Variants in ARL10 observed in about 807,000 individuals in gnomAD.
The protein encoded by ARL10 is ARF like GTPase 10.
A neutral mutation model predicts 26.1 loss-of-function variants in ARL10; 23 were observed. That is an observed-to-expected ratio of 0.88 (90% confidence interval 0.63 to 1.25). The LOEUF (loss-of-function observed/expected upper bound fraction) is 1.25. ARL10 is among the 50% of genes most tolerant of loss of function. ARL10 has a pLI of 0.00. For synonymous variants in ARL10, 138 were observed against 149.1 expected (o/e 0.93, Z 0.54); for missense variants, 300 against 323.6 (o/e 0.93, Z 0.56).
chr5:176,398,189 C>T (rs1385774864), intron 1 of ARL10: 1 of 703,056 alleles, frequency 1.4e-6, no homozygotes, highest in Non-Finnish European at 2.5e-6. Flanking sequence ...CTACACCTAT[C>T]TTTGCACTTG....
intron 1 of ARL10, among the ~76,000 whole-genome samples, chr5:176,388,071 A>C (rs551680061): frequency 6.6e-6 from 1 of 152,278 alleles, no homozygotes; most frequent in Admixed American, 6.5e-5. Flanking sequence ...GAAGGTCGTA[A>C]AGAGACCCTT....
At chr5:176,389,372 T>G, downstream of ARL10, 1 of 1,614,008 alleles carries the variant, frequency 6.2e-7, no homozygotes, top group East Asian at 2.2e-5. Context: ...CGGCCTCTAC[T>G]CCTTCCACCG....
chr5:176,393,291 C>T (rs1756340391), downstream of ARL10, among the ~76,000 whole-genome samples: 2 of 152,222 alleles, frequency 1.3e-5, no homozygotes, highest in Admixed American at 1.3e-4. The surrounding 1 kb of genome is among the most constrained non-coding windows in gnomAD (Gnocchi z 4.4). Flanking sequence ...GAGTTCCCAA[C>T]CTGAGGTTCC....
At chr5:176,406,798 C>G (rs937030351), downstream of ARL10, 36 of 1,033,698 alleles carry the variant, frequency 3.5e-5, no homozygotes, top group Non-Finnish European at 4.0e-5. Context: ...TTCTCCTCCC[C>G]CTGCAGGTGC....
chr5:176,392,588 G>A (rs1307406071), downstream of ARL10: 12 of 613,368 alleles, frequency 2.0e-5, no homozygotes, highest in Admixed American at 2.3e-4. The surrounding 1 kb of genome is among the most constrained non-coding windows in gnomAD (Gnocchi z 5.2). Flanking sequence ...GTGAGGGGCT[G>A]GACCAGAGGG....
chr5:176,367,075 T>C (rs1768340823), intron 2 of ARL10, among the ~76,000 whole-genome samples: 1 of 146,256 alleles, frequency 6.8e-6, no homozygotes. Flanking sequence ...TGGCGCTGTC[T>C]CGGCTCACTG....
At position 176,373,247 on chromosome 5, in the gene ARL10, T is replaced by C; in HGVS notation, c.*1352T>C. 1 of 391,062 alleles carries C rather than the reference T, an allele frequency of 2.6e-6. No homozygotes were observed. The highest frequency in any genetic ancestry group is 2.1e-5 in the African/African-American group (1 of 48,622). 24.2% of individuals were successfully genotyped at this position (391,062 alleles called of 1,614,324 possible). On this transcript the variant is annotated 3_prime_UTR_variant, in exon 4 of 4. Transcript: ENST00000310389. ...CTTTCTGGACCCAATTTTTCCCCAG[T>C]GAAAGCCAAGTTGGACTGAATTTCT...
At position 176,371,914 on chromosome 5, in the gene ARL10, G is replaced by T; in HGVS notation, c.*19G>T. On this transcript the variant is annotated 3_prime_UTR_variant, in exon 4 of 4. Coordinates refer to ENST00000310389, the MANE Select transcript of ARL10 (RefSeq NM_173664.6). ...CTCCTAGGCTGGAGCTCTCCTGCTT[G>T]CCACCTGCCTGTCAAGACCATAGTT... 6.2e-7 allele frequency: 1 copy of T among 1,611,282 alleles called. No homozygotes were observed.
chr5:176,411,901 G>A, the ARL10 span, among the ~76,000 whole-genome samples: 1 of 152,028 alleles, frequency 6.6e-6, no homozygotes, highest in African/African-American at 2.4e-5. Flanking sequence ...TTTGGGCCGG[G>A]CGTGGTGGCT....
At chr5:176,399,205 C>T (rs1296468591) in intron 1 of ARL10, among the ~76,000 whole-genome samples, 1 of 152,100 alleles carries the variant, frequency 6.6e-6, no homozygotes, top group Non-Finnish European at 1.5e-5. Flanking sequence ...CATCTCTGTC[C>T]TTTTCACTGC....
chr5:176,388,861 A>G (rs1756126016), downstream of ARL10: 1 of 1,614,024 alleles, frequency 6.2e-7, no homozygotes, highest in Non-Finnish European at 8.5e-7. Context: ...TCCCCTTTGA[A>G]CCATCGAAGC....
At position 176,377,074 on chromosome 5, in the gene ARL10, G is replaced by A. The variant is rs1412904359; in HGVS notation, c.*5179G>A. ...TAGGAACTACGTGAAGTTCTGTTAG[G>A]AGCACAGGCTTTCTAGTAACTATTT... On this transcript the variant is annotated 3_prime_UTR_variant, in exon 4 of 4. Transcript: ENST00000310389. The surrounding 1 kb of genome is among the most constrained non-coding windows in gnomAD (Gnocchi z 4.5). 2 of 152,228 alleles carry A rather than the reference G, an allele frequency of 1.3e-5. No individual in the cohort carries two copies. The highest frequency in any genetic ancestry group is 3.8e-4 in the East Asian group (2 of 5,202). The allele number at this position is 152,228 out of a possible 1,614,324, so 9.4% of individuals were successfully genotyped here. A position where few individuals can be genotyped will look rare whatever the true frequency, so the allele number is the denominator to read the frequency against.
At chr5:176,389,181 G>A (rs1175447735), downstream of ARL10, 1 of 1,085,722 alleles carries the variant, frequency 9.2e-7, no homozygotes, top group Admixed American at 2.2e-5. Context: ...GGAGGACTCT[G>A]TAACTAGGAA....
At position 176,387,080 on chromosome 5, in the gene ARL10, T is replaced by C. The variant is rs145452468; in HGVS notation, c.37-1215T>C. 3,024 of 567,508 alleles carry C rather than the reference T, an allele frequency of 5.3e-3. 21 individuals are homozygous for C. The highest frequency in any genetic ancestry group is 6.3e-3 in the Non-Finnish European group (2,009 of 319,374). 35.2% of individuals were successfully genotyped at this position (567,508 alleles called of 1,614,324 possible). ...GGAGGCTTTTTCTCTCTCTCTCTCTTTTTTTTTTTCTTTTTCTTTTTGAGA... is the reference window on the plus strand; with the variant it reads ...GGAGGCTTTTTCTCTCTCTCTCTCTCTTTTTTTTTCTTTTTCTTTTTGAGA... On this transcript the variant is annotated intron_variant, in intron 1 of 1. Transcript: ENST00000503175.
intron 3 of ARL10, among the ~76,000 whole-genome samples, chr5:176,371,263 T>C (rs546414292): frequency 2.0e-5 from 3 of 152,228 alleles, no homozygotes; most frequent in East Asian, 3.9e-4. Flanking sequence ...TAGTCCCAGC[T>C]ACTAGGGAGG....
At chr5:176,387,045 C>A in intron 1 of ARL10, 1 of 696,396 alleles carries the variant, frequency 1.4e-6, no homozygotes, top group Non-Finnish European at 2.5e-6. Flanking sequence ...ACAATGAGAA[C>A]TAATGCCCTG....
At chr5:176,392,935 C>T, downstream of ARL10, 1 of 1,614,134 alleles carries the variant, frequency 6.2e-7, no homozygotes, top group Non-Finnish European at 8.5e-7. The surrounding 1 kb of genome is among the most constrained non-coding windows in gnomAD (Gnocchi z 5.2). Context: ...ACGAAAGCCT[C>T]CTCGGATGCC....
Position 176,379,881 on chromosome 5 carries a change from A to G in ARL10, c.*7986A>G, listed in dbSNP as rs1430745433. On this transcript the variant is annotated 3_prime_UTR_variant, in exon 4 of 4. Coordinates refer to ENST00000310389, the MANE Select transcript of ARL10 (RefSeq NM_173664.6). ...CTCCTGCTGTCAATTTTCAAGCTTC[A>G]CCAGTATCATGTGAATAAATTGGTA... 1 of 152,198 alleles carries G rather than the reference A, an allele frequency of 6.6e-6. No individual in the cohort carries two copies. The highest frequency in any genetic ancestry group is 2.4e-5 in the African/African-American group (1 of 41,440). The allele number at this position is 152,198 out of a possible 1,614,324, so 9.4% of individuals were successfully genotyped here.
chr5:176,382,984 G>A (rs77774981), downstream of ARL10, among the ~76,000 whole-genome samples: 2,124 of 152,306 alleles, frequency 0.014, 57 homozygotes, highest in African/African-American at 0.048. Flanking sequence ...GTCATTGCTG[G>A]AGTCTACGGC....
Sources: allele counts gnomAD v4.1 joint callset (sites outside exome capture counted in the v4.1 genomes callset), GRCh38; gene constraint gnomAD v4.1.1; non-coding constraint Gnocchi (gnomAD v3.1); transcripts MANE v1.5; gene names NCBI Gene and HGNC (gene_info 2026-07-23, HGNC 2026-07-21).